The following LPXN variants were observed in gnomAD, a reference collection of about 807,000 sequenced individuals.
LPXN encodes the protein leupaxin.
Under a neutral mutation model 45.6 loss-of-function variants are expected in LPXN, and 28 were observed. The ratio of observed to expected loss-of-function variants is 0.61; its 90% confidence interval spans 0.45 to 0.84. LPXN has a LOEUF of 0.84. Among genes scored for constraint, LPXN ranks in the 40% least tolerant of loss-of-function variants. The pLI is 0.00. For synonymous variants in LPXN, 166 were observed against 169.9 expected (o/e 0.98, Z 0.18); for missense variants, 459 against 475.0 (o/e 0.97, Z 0.31).
At chr11:58,566,841 A>G (rs1298902606) in intron 2 of LPXN, among the ~76,000 whole-genome samples, 1 of 152,170 alleles carries the variant, frequency 6.6e-6, no homozygotes, top group Admixed American at 6.5e-5. Context: ...TTGCTTTACA[A>G]AGTGGTTTTT....
In LPXN at chr11:58,549,148, C is replaced by T. The variant is rs574634933; in HGVS notation, c.742+638G>A. On this transcript the variant is annotated intron_variant, in intron 7 of 8. Transcript: ENST00000395074. The stretch of plus-strand genomic sequence containing the variant: ...CAGTAGTTCATGCCTGTAATGCCAG[C>T]ACTTTGGGAGGCCAAGGCGGGCGGA... Among the ~76,000 whole-genome samples the T allele has an allele frequency of 2.0e-5, 3 of 152,350 alleles. No homozygotes were observed. The East Asian group carries it at 5.8e-4, about 29-fold the overall frequency.
intron 2 of LPXN, among the ~76,000 whole-genome samples, chr11:58,570,329 T>TA (rs1170280874): frequency 9.3e-5 from 14 of 150,558 alleles, no homozygotes; most frequent in East Asian, 1.9e-4. Flanking sequence ...ATAAAAAAAA[T>TA]AAAAAAAATA....
rs558274434 is a variant in LPXN, at chr11:58,554,853, C to G, written c.306G>C (p.Glu102Asp). The change falls in exon 4 of 9, where the codon GAG (glutamate) becomes GAC (aspartate). Residue 102 changes from glutamate to aspartate, a missense_variant. Coordinates refer to ENST00000395074, the MANE Select transcript of LPXN (RefSeq NM_004811.3). ...GGCCTGCACTCACCTTGGCCTGCAT[C>G]TCAGTCAGGTGAGCCATGAGCTCAT... ...QLDELMAHLT[E>D]MQAKVAVRAD... 5.0e-6 allele frequency: 8 copies of G among 1,613,668 alleles called. No individual in the cohort carries two copies. The highest frequency in any genetic ancestry group is 6.8e-6 in the Non-Finnish European group (8 of 1,179,960).
At chr11:58,561,829 T>C (rs561049490) in intron 3 of LPXN, among the ~76,000 whole-genome samples, 13 of 152,348 alleles carry the variant, frequency 8.5e-5, no homozygotes, top group Non-Finnish European at 1.9e-4. Context: ...CAACAGTTAT[T>C]GAGTCAACAG....
intron 1 of LPXN, among the ~76,000 whole-genome samples, chr11:58,571,035 C>G (rs1165236043): frequency 1.3e-5 from 2 of 152,116 alleles, no homozygotes; most frequent in African/African-American, 4.8e-5. Flanking sequence ...CCACAAATAT[C>G]CTTAATTAGA....
At chr11:58,535,356 G>C (rs1457656842) in intron 7 of LPXN, among the ~76,000 whole-genome samples, 4 of 152,158 alleles carry the variant, frequency 2.6e-5, no homozygotes, top group Admixed American at 6.6e-5. Context: ...GGGACGCAAG[G>C]CTGGTTCAAC....
At chr11:58,574,751 CACT>C (rs747725300) in intron 1 of LPXN, among the ~76,000 whole-genome samples, 28 of 152,320 alleles carry the variant, frequency 1.8e-4, no homozygotes, top group Middle Eastern at 3.4e-3. Context: ...ATTTATTAAA[CACT>C]ACCTTTTTCT....
At chr11:58,565,272 G>A (rs1006490835) in intron 2 of LPXN, among the ~76,000 whole-genome samples, 5 of 152,100 alleles carry the variant, frequency 3.3e-5, no homozygotes, top group Non-Finnish European at 4.4e-5. Context: ...GGTGGCTCAC[G>A]CCCGTAATCC....
At chr11:58,545,443 T>C (rs559747646) in intron 7 of LPXN, among the ~76,000 whole-genome samples, 23 of 152,342 alleles carry the variant, frequency 1.5e-4, no homozygotes, top group South Asian at 6.2e-4. Context: ...TCTCAGACTT[T>C]TATGGCTACC....
intron 5 of LPXN, 122 bp downstream of exon 5, chr11:58,550,943 T>C (rs1854029896): frequency 3.3e-6 from 3 of 903,928 alleles, no homozygotes; most frequent in Non-Finnish European, 4.7e-6. Flanking sequence ...CAGAGCACTG[T>C]AAGTGATTAG....
Position 58,570,612 on chromosome 11 carries a change from T to C in LPXN, c.115A>G (p.Asn39Asp), listed in dbSNP as rs2134353547. ...AGGATCTCCGAAGTCTCATCAAGGTTAGTCTCCTTTCTGGAATGCTGATCC... is the reference window on the plus strand; with the variant it reads ...AGGATCTCCGAAGTCTCATCAAGGTCAGTCTCCTTTCTGGAATGCTGATCC... ...PLDQHSRKET[N>D]LDETSEILSI... The change falls in exon 2 of 9, where the codon AAC becomes GAC. Residue 39 changes from asparagine to aspartate, a missense_variant. Coordinates refer to ENST00000395074, the MANE Select transcript of LPXN (RefSeq NM_004811.3). The C allele has an allele frequency of 3.7e-6, 6 of 1,613,742 alleles. No homozygotes were observed. Among genetic ancestry groups the C allele is most frequent in the South Asian group, 2.2e-5 (2 of 91,050 alleles).
At chr11:58,529,018 C>T (rs1011492120) in intron 7 of LPXN, among the ~76,000 whole-genome samples, 17 of 151,584 alleles carry the variant, frequency 1.1e-4, no homozygotes, top group Non-Finnish European at 2.1e-4. Context: ...TTGTATTTCC[C>T]GAAAGGCTAA....
In LPXN at chr11:58,561,398, A is replaced by C. The variant is rs77623905; in HGVS notation, c.218+2757T>G. Among the ~76,000 whole-genome samples, 328 of 152,274 alleles carry C rather than the reference A, an allele frequency of 2.2e-3. 3 individuals carry two copies. The highest frequency in any genetic ancestry group is 0.016 in the South Asian group (75 of 4,826). ...TATAAGAGGAAAATGGATATCTCTT[A>C]AGATAAAAGATTTATCTTTTAGGTA... On this transcript the variant is annotated intron_variant, in intron 3 of 8. Coordinates refer to ENST00000395074, the MANE Select transcript of LPXN (RefSeq NM_004811.3).
chr11:58,560,384 T>C (rs368692107), intron 3 of LPXN, among the ~76,000 whole-genome samples: 3 of 152,340 alleles, frequency 2.0e-5, no homozygotes, highest in Middle Eastern at 3.4e-3. Flanking sequence ...ATGTTAAGTG[T>C]AGAAAATTTG....
intron 7 of LPXN, among the ~76,000 whole-genome samples, chr11:58,537,424 C>T (rs1242370925): frequency 1.3e-5 from 2 of 152,096 alleles, no homozygotes; most frequent in African/African-American, 4.8e-5. Flanking sequence ...GAAAACCAAA[C>T]ACCGCATGTT....
In LPXN at chr11:58,570,681, G is replaced by A. The variant is rs762097937; in HGVS notation, c.46C>T (p.Leu16Phe). 2 of 1,612,900 alleles carry A rather than the reference G, an allele frequency of 1.2e-6. No homozygotes were observed. The highest frequency in any genetic ancestry group is 1.7e-6 in the Non-Finnish European group (2 of 1,179,182). Residue 16 changes from leucine to phenylalanine, a missense_variant, in exon 2 of 9, where the codon CTT becomes TTT. Physicochemically the swap from Leu to Phe is conservative, Grantham distance 22. Transcript: ENST00000395074. ...ALLEELERSTLQDSDEYSNPA... is the reference protein window; with the variant it reads ...ALLEELERSTFQDSDEYSNPA... ...TTGGAATATTCATCACTGTCCTGAA[G>A]GGTGGAGCGTTCCAGTTCCTCCAAT...
intron 7 of LPXN, among the ~76,000 whole-genome samples, chr11:58,531,789 T>C (rs181875009): frequency 4.6e-5 from 7 of 152,320 alleles, no homozygotes; most frequent in Non-Finnish European, 1.0e-4. Context: ...GAGGTGACAA[T>C]GTGCTTGCAA....
At chr11:58,558,014 A>G (rs1203320367) in intron 3 of LPXN, among the ~76,000 whole-genome samples, 2 of 152,110 alleles carry the variant, frequency 1.3e-5, no homozygotes, top group Admixed American at 6.6e-5. Context: ...CAATTTTGGA[A>G]AAACAAAATA....
At chr11:58,575,959 G>A (rs1309187726), upstream of LPXN, 4 of 1,404,566 alleles carry the variant, frequency 2.8e-6, no homozygotes, top group South Asian at 1.6e-5. Flanking sequence ...TTTTTTCATA[G>A]GTTACACAGT....
Sources: gnomAD v4.1 joint callset for allele counts (sites outside exome capture counted in the v4.1 genomes callset) on GRCh38, gnomAD v4.1.1 for gene constraint, MANE v1.5 for transcripts, NCBI Gene and HGNC (gene_info 2026-07-23, HGNC 2026-07-21) for gene names.